The following SYNE1 variants were observed in gnomAD, a reference collection of about 807,000 sequenced individuals.
SYNE1 encodes the protein nesprin-1.
A neutral mutation model predicts 1,111.0 loss-of-function variants in SYNE1; 616 were observed. The observed-to-expected ratio is 0.55, with a 90% CI of 0.52 to 0.59. SYNE1 has a LOEUF of 0.59. SYNE1 is among the 20% of genes least tolerant of loss of function. The probability of loss-of-function intolerance (pLI) is 0.00; values close to 1 mark genes in which losing one functional copy is unlikely to be tolerated. For missense variants in SYNE1, 10,006 were observed against 10,417.0 expected (o/e 0.96, Z 1.72); for synonymous variants, 3,855 against 3,825.8 (o/e 1.01, Z -0.28).
At position 152,195,247 on chromosome 6, in the gene SYNE1, C is replaced by T. The variant is rs549728450; in HGVS notation, c.23146-5840G>A. On this transcript the variant is annotated intron_variant, in intron 127 of 145. Coordinates refer to ENST00000367255, the MANE Select transcript of SYNE1 (RefSeq NM_182961.4). ...AAAAGAGCTATTTTGAATTATCTGT[C>T]TGAAAGGTTGCATATATCTGTCTCT... is the stretch of plus-strand genomic sequence containing the variant. Among the ~76,000 whole-genome samples the T allele has an allele frequency of 1.2e-4, 18 of 152,296 alleles. No individual in the cohort carries two copies. In the South Asian group the frequency reaches 3.7e-3, roughly 32 times the overall value.
chr6:152,568,905 A>C (rs572102867), intron 3 of SYNE1, among the ~76,000 whole-genome samples: 1 of 152,276 alleles, frequency 6.6e-6, no homozygotes, highest in Non-Finnish European at 1.5e-5. Context: ...AATTTAAAAA[A>C]CAATGAGATA....
chr6:152,278,039 G>C (rs758410808), intron 98 of SYNE1, 50 bp downstream of exon 98: 2 of 1,601,108 alleles, frequency 1.2e-6, no homozygotes, highest in African/African-American at 2.7e-5. Context: ...GAAGGAGCAC[G>C]TGAACAGTGT....
intron 130 of SYNE1, chr6:152,168,279 T>C: frequency 1.6e-6 from 1 of 637,090 alleles, no homozygotes; most frequent in African/African-American, 1.8e-5. Flanking sequence ...AGTTTCCCCT[T>C]GTCTGTGTAT....
rs545685387 is a variant in SYNE1, at chr6:152,387,091, T to C, written c.8468A>G (p.Asp2823Gly). 4.0e-5 allele frequency: 64 copies of C among 1,613,724 alleles called. No individual in the cohort carries two copies. Among genetic ancestry groups the C allele is most frequent in the Non-Finnish European group, 5.4e-5 (64 of 1,179,780 alleles). Residue 2823 changes from aspartate (D) to glycine (G), a missense_variant, in exon 54 of 146, where the codon GAT becomes GGT. Coordinates refer to ENST00000367255, the MANE Select transcript of SYNE1 (RefSeq NM_182961.4). ...AQEELKTQFN[D>G]IMTVAKEKMR... is the part of the protein sequence containing the mutation. ...ACTAACCTTGGCAACAGTCATTATA[T>C]CATTAAACTGTGTTTTCAGCTCCTC...
chr6:152,138,183 G>A (rs2057509922), intron 140 of SYNE1, among the ~76,000 whole-genome samples: 1 of 152,142 alleles, frequency 6.6e-6, no homozygotes, highest in South Asian at 2.1e-4. Flanking sequence ...CTGGAGGGGA[G>A]ATTCATTTCT....
At chr6:152,211,085 C>T (rs112587132) in intron 124 of SYNE1, among the ~76,000 whole-genome samples, 10 of 152,248 alleles carry the variant, frequency 6.6e-5, no homozygotes, top group Non-Finnish European at 1.3e-4. Flanking sequence ...GGTTTTTCAT[C>T]TGTAAGTAAG....
At chr6:152,201,533 G>A (rs559255332) in intron 127 of SYNE1, among the ~76,000 whole-genome samples, 4 of 150,864 alleles carry the variant, frequency 2.7e-5, no homozygotes, top group African/African-American at 4.9e-5. Flanking sequence ...TCCCCAGTGT[G>A]GATGCTTCAA....
intron 3 of SYNE1, among the ~76,000 whole-genome samples, chr6:152,620,423 G>C (rs773528841): frequency 2.7e-4 from 41 of 152,136 alleles, no homozygotes; most frequent in Non-Finnish European, 1.3e-4. Flanking sequence ...CTCCTCCATT[G>C]ATCTCTACAG....
chr6:152,140,939 G>A (rs1436835558), intron 139 of SYNE1, among the ~76,000 whole-genome samples: 2 of 152,190 alleles, frequency 1.3e-5, no homozygotes, highest in African/African-American at 2.4e-5. Flanking sequence ...GGAGGCTGAG[G>A]CGGGAGAATG....
intron 130 of SYNE1, among the ~76,000 whole-genome samples, chr6:152,166,468 T>G (rs1342281485): frequency 6.6e-6 from 1 of 152,218 alleles, no homozygotes; most frequent in Non-Finnish European, 1.5e-5. Context: ...ATTCATTCGT[T>G]TTTTTGGTTC....
chr6:152,454,857 C>CA (rs2098683466), intron 24 of SYNE1, among the ~76,000 whole-genome samples: 1 of 152,110 alleles, frequency 6.6e-6, no homozygotes, highest in African/African-American at 2.4e-5. Flanking sequence ...AAAGATAACT[C>CA]AAATACATGT....
intron 3 of SYNE1, among the ~76,000 whole-genome samples, chr6:152,597,965 G>A (rs549701816): frequency 6.6e-6 from 1 of 152,190 alleles, no homozygotes; most frequent in East Asian, 1.9e-4. Context: ...TTTAGTATCA[G>A]TATCACTGCA....
chr6:152,630,411 T>A (rs776527047), intron 2 of SYNE1, among the ~76,000 whole-genome samples: 3 of 152,210 alleles, frequency 2.0e-5, no homozygotes, highest in Non-Finnish European at 2.9e-5. Flanking sequence ...AAATAATTAC[T>A]TGTGGTTGGG....
chr6:152,513,409 G>C (rs372551576), intron 6 of SYNE1, among the ~76,000 whole-genome samples: 2 of 151,974 alleles, frequency 1.3e-5, no homozygotes, highest in South Asian at 4.2e-4. Context: ...GCAGTGGCAC[G>C]ATCTTGGCTC....
chr6:152,250,890 C>T (rs184193599), intron 104 of SYNE1, among the ~76,000 whole-genome samples: 1 of 152,308 alleles, frequency 6.6e-6, no homozygotes, highest in East Asian at 1.9e-4. Context: ...GTATATATAA[C>T]ATAACATGGG....
rs773094817 is a variant in SYNE1, at chr6:152,189,326, T to C, written c.23227A>G (p.Ser7743Gly). The change falls in exon 128 of 146, where the codon AGT (serine) becomes GGT (glycine). Residue 7743 changes from serine to glycine, a missense_variant. By Grantham distance (56) the Ser-to-Gly change is moderately conservative. Coordinates refer to ENST00000367255, the MANE Select transcript of SYNE1 (RefSeq NM_182961.4). ...TTAAGAATGGAGATATCATCAGCAC[T>C]GATATAGGCAGAGAGGGTGTCCTTC... Reference protein sequence around the residue: ...LLKDTLSAYISADDISILNER... With the variant: ...LLKDTLSAYIGADDISILNER... 1.2e-6 allele frequency: 2 copies of C among 1,614,100 alleles called. No homozygotes were observed. Among genetic ancestry groups the C allele is most frequent in the East Asian group, 2.2e-5 (1 of 44,874 alleles).
At chr6:152,151,471 G>A (rs1184548963) in intron 135 of SYNE1, 82 bp downstream of exon 135, 37 of 1,561,484 alleles carry the variant, frequency 2.4e-5, no homozygotes, top group Non-Finnish European at 3.2e-5. Context: ...AAAGTTATTT[G>A]CTATGTTCTT....
At chr6:152,391,228 T>C (rs2097619302) in intron 52 of SYNE1, 49 bp downstream of exon 52, 1 of 1,610,936 alleles carries the variant, frequency 6.2e-7, no homozygotes. Flanking sequence ...GTGAATCTAA[T>C]CAAATTAGCA....
chr6:152,284,152 G>T lies in SYNE1; in HGVS notation c.18033C>A (p.Leu6011=), dbSNP rs772585776. 1.2e-6 allele frequency: 2 copies of T among 1,614,030 alleles called. No homozygotes were observed. Among genetic ancestry groups the T allele is most frequent in the African/African-American group, 1.3e-5 (1 of 74,920 alleles). ...AEHQALMDEI[L]MLQDEINELQ... ...GCTCATTGATTTCATCCTGGAGCATGAGAATCTCATCCATCAATGCCTGGA... is the reference window on the plus strand; with the variant it reads ...GCTCATTGATTTCATCCTGGAGCATTAGAATCTCATCCATCAATGCCTGGA... Residue 6011 remains leucine, a synonymous_variant, in exon 96 of 146, where the codon CTC becomes CTA. Transcript: ENST00000367255.
Sources: allele counts gnomAD v4.1 joint callset (sites outside exome capture counted in the v4.1 genomes callset), GRCh38; gene constraint gnomAD v4.1.1; transcripts MANE v1.5; gene names NCBI Gene and HGNC (gene_info 2026-07-23, HGNC 2026-07-21).